SLC35F4: variants seen among roughly 807,000 people sequenced by gnomAD.
SLC35F4 encodes the protein solute carrier family 35 member F4.
A neutral mutation model predicts 44.2 loss-of-function variants in SLC35F4; 24 were observed. The ratio of observed to expected loss-of-function variants is 0.54; its 90% confidence interval spans 0.39 to 0.76. The LOEUF (loss-of-function observed/expected upper bound fraction) is 0.76, where lower values mean the gene tolerates loss of function less well. Among genes scored for constraint, SLC35F4 ranks in the 30% least tolerant of loss-of-function variants. The pLI is 0.00. For missense variants in SLC35F4, 562 were observed against 586.1 expected (o/e 0.96, Z 0.42); for synonymous variants, 238 against 223.6 (o/e 1.06, Z -0.57).
chr14:57,953,128 A>G (rs532761899), intron 1 of SLC35F4, among the ~76,000 whole-genome samples: 1 of 152,178 alleles, frequency 6.6e-6, no homozygotes, highest in African/African-American at 2.4e-5. Context: ...AGTGGGAACA[A>G]ATATTCAACA....
intron 1 of SLC35F4, among the ~76,000 whole-genome samples, chr14:57,735,290 G>T (rs778560070): frequency 6.6e-6 from 1 of 152,182 alleles, no homozygotes; most frequent in Non-Finnish European, 1.5e-5. Flanking sequence ...TTTCTTGAGG[G>T]CATTTCAGTT....
At chr14:57,618,293 T>C (rs1198111318) in intron 1 of SLC35F4, among the ~76,000 whole-genome samples, 2 of 152,162 alleles carry the variant, frequency 1.3e-5, no homozygotes, top group Non-Finnish European at 2.9e-5. Context: ...CCAGCAAGAC[T>C]GACGCAGAAG....
chr14:57,603,586 T>A (rs1293242251), intron 1 of SLC35F4, among the ~76,000 whole-genome samples: 1 of 152,182 alleles, frequency 6.6e-6, no homozygotes, highest in East Asian at 1.9e-4. Flanking sequence ...GAAGCCACAA[T>A]GGTTAAAGCC....
intron 1 of SLC35F4, among the ~76,000 whole-genome samples, chr14:57,687,187 C>T (rs963066704): frequency 6.6e-5 from 10 of 152,090 alleles, no homozygotes; most frequent in Admixed American, 6.6e-4. Context: ...ATTTAAGCTC[C>T]CCAGTCTGTG....
intron 1 of SLC35F4, among the ~76,000 whole-genome samples, chr14:57,655,247 C>A (rs2073926895): frequency 6.6e-6 from 1 of 151,952 alleles, no homozygotes; most frequent in South Asian, 2.1e-4. Flanking sequence ...TATAAATAAT[C>A]TTTTTCTAGA....
chr14:57,833,209 G>C (rs1296566852), intron 1 of SLC35F4, among the ~76,000 whole-genome samples: 1 of 152,160 alleles, frequency 6.6e-6, no homozygotes, highest in Non-Finnish European at 1.5e-5. Context: ...ACTAAAGACA[G>C]ACAGAATTCT....
At chr14:57,745,288 GA>G (rs1409544718) in intron 1 of SLC35F4, among the ~76,000 whole-genome samples, 1 of 152,166 alleles carries the variant, frequency 6.6e-6, no homozygotes, top group African/African-American at 2.4e-5. Flanking sequence ...CCATCAGAGT[GA>G]ACAGGCAACC....
chr14:57,850,370 A>G (rs891198188), intron 1 of SLC35F4, among the ~76,000 whole-genome samples: 3 of 152,026 alleles, frequency 2.0e-5, no homozygotes, highest in Non-Finnish European at 4.4e-5. Flanking sequence ...GTAAAAGTCA[A>G]CTCCATTAGA....
chr14:57,936,320 AG>A lies in SLC35F4; in HGVS notation n.282+45592del, dbSNP rs538760557. Among the ~76,000 whole-genome samples the A allele has an allele frequency of 4.5e-3, 684 of 152,342 alleles. 6 individuals carry two copies. Among genetic ancestry groups the A allele is most frequent in the African/African-American group, 0.015 (641 of 41,574 alleles). On this transcript the variant is annotated intron_variant and non_coding_transcript_variant, in intron 1 of 1. Coordinates refer to the SLC35F4 transcript ENST00000556568. Reference sequence around the variant, plus strand: ...TACAGAGATGGTTTTTAAGGCTCATAGGGAATATAAACATATCGTGACAACC... The same window carrying A: ...TACAGAGATGGTTTTTAAGGCTCATAGGAATATAAACATATCGTGACAACC...
At chr14:57,629,142 C>T (rs541838260) in intron 1 of SLC35F4, among the ~76,000 whole-genome samples, 1 of 152,210 alleles carries the variant, frequency 6.6e-6, no homozygotes, top group African/African-American at 2.4e-5. Context: ...CTTCCTCTGA[C>T]TTTGTTTTGA....
intron 1 of SLC35F4, among the ~76,000 whole-genome samples, chr14:57,880,084 G>A (rs139958685): frequency 2.1e-3 from 239 of 113,200 alleles, no homozygotes; most frequent in African/African-American, 5.3e-3. Flanking sequence ...AAGGAAGGAA[G>A]GAAGGAAGGA....
chr14:57,646,169 T>A (rs2073500881), intron 1 of SLC35F4, among the ~76,000 whole-genome samples: 1 of 152,264 alleles, frequency 6.6e-6, no homozygotes. Flanking sequence ...CCTCTTTTTC[T>A]ATTGATTGGA....
chr14:57,691,543 C>T (rs530646000), intron 1 of SLC35F4, among the ~76,000 whole-genome samples: 1 of 152,252 alleles, frequency 6.6e-6, no homozygotes, highest in Non-Finnish European at 1.5e-5. Context: ...ACTGGCTATG[C>T]AAAAGTAATA....
At chr14:57,724,561 A>C (rs371324712) in intron 1 of SLC35F4, among the ~76,000 whole-genome samples, 3 of 152,216 alleles carry the variant, frequency 2.0e-5, no homozygotes, top group African/African-American at 7.2e-5. Context: ...TATATACGTG[A>C]TTGGGCTCAA....
chr14:57,771,977 A>G (rs867886979), intron 1 of SLC35F4, among the ~76,000 whole-genome samples: 6 of 151,962 alleles, frequency 3.9e-5, no homozygotes, highest in African/African-American at 1.5e-4. Context: ...AGGTAATTTC[A>G]CTTTGCATAG....
At chr14:57,790,737 C>T (rs765446614) in intron 1 of SLC35F4, among the ~76,000 whole-genome samples, 1 of 152,152 alleles carries the variant, frequency 6.6e-6, no homozygotes, top group Non-Finnish European at 1.5e-5. Flanking sequence ...TCAAACTATA[C>T]CACAGGGCTA....
chr14:57,689,069 C>A (rs2075149658), intron 1 of SLC35F4, among the ~76,000 whole-genome samples: 1 of 152,066 alleles, frequency 6.6e-6, no homozygotes, highest in Admixed American at 6.6e-5. Flanking sequence ...ATCAAGAAAA[C>A]CATGGTTTTT....
At chr14:57,897,464 T>C (rs147984823) in intron 1 of SLC35F4, among the ~76,000 whole-genome samples, 71 of 151,906 alleles carry the variant, frequency 4.7e-4, no homozygotes, top group African/African-American at 1.7e-3. Context: ...AATTTTCCTT[T>C]GCAAGGAGAG....
intron 1 of SLC35F4, among the ~76,000 whole-genome samples, chr14:57,871,695 C>A (rs1888299898): frequency 6.6e-6 from 1 of 152,114 alleles, no homozygotes; most frequent in Non-Finnish European, 1.5e-5. Flanking sequence ...CACTTCCTGC[C>A]CCCTTGTGGT....
Sources: gnomAD v4.1 joint callset for allele counts (sites outside exome capture counted in the v4.1 genomes callset) on GRCh38, gnomAD v4.1.1 for gene constraint, MANE v1.5 for transcripts, NCBI Gene and HGNC (gene_info 2026-07-23, HGNC 2026-07-21) for gene names.